MYL12B: variants seen among roughly 807,000 people sequenced by gnomAD.
MYL12B encodes myosin regulatory light chain 12B.
MYL12B carries 3 observed loss-of-function variants against 12.9 expected under a neutral mutation model. The observed-to-expected ratio is 0.23, with a 90% confidence interval of 0.11 to 0.60. The LOEUF (loss-of-function observed/expected upper bound fraction) is 0.60. Ranked by LOEUF, MYL12B falls within the 20% of genes least tolerant of loss-of-function variation. MYL12B has a pLI of 0.89. For synonymous variants in MYL12B, 57 were observed against 71.9 expected (o/e 0.79, Z 1.05); for missense variants, 120 against 215.4 (o/e 0.56, Z 2.77).
rs184034290 is a variant in MYL12B, at chr18:3,268,128, T to A, written c.-15-4756T>A. On this transcript the variant is annotated intron_variant, in intron 1 of 3. Transcript: ENST00000237500. ...ACTATCCCTGGTTTCAGGCATCCAC[T>A]GGGGTCTTGGAATATATCCCCCTCA... 1.6e-3 allele frequency among the ~76,000 whole-genome samples: 244 copies of A among 152,362 alleles called. 2 individuals are homozygous for A. Among genetic ancestry groups the A allele is most frequent in the Non-Finnish European group, 1.2e-3 (83 of 68,024 alleles).
chr18:3,266,421 T>TTGTCACAATATCTTAC (rs1364612664), intron 1 of MYL12B, among the ~76,000 whole-genome samples: 83 of 152,258 alleles, frequency 5.5e-4, no homozygotes, highest in Non-Finnish European at 1.0e-3. Flanking sequence ...CAATATCTTA[T>TTGTCACAATATCTTAC]TGTCACAATA....
At chr18:3,274,967 A>T (rs2081716570) in intron 2 of MYL12B, among the ~76,000 whole-genome samples, 1 of 152,228 alleles carries the variant, frequency 6.6e-6, no homozygotes, top group Non-Finnish European at 1.5e-5. Flanking sequence ...TGCTAGGTAT[A>T]TACCCCCAAA....
At chr18:3,270,325 GA>G in intron 1 of MYL12B, among the ~76,000 whole-genome samples, 1 of 152,206 alleles carries the variant, frequency 6.6e-6, no homozygotes, top group Middle Eastern at 3.4e-3. Context: ...AATGAAGTAT[GA>G]AAAAAATTTA....
At chr18:3,265,063 G>A (rs2081625672) in intron 1 of MYL12B, among the ~76,000 whole-genome samples, 1 of 152,184 alleles carries the variant, frequency 6.6e-6, no homozygotes, top group Non-Finnish European at 1.5e-5. Flanking sequence ...TTGTTATAAT[G>A]TGTATGTGGT....
chr18:3,265,077 T>C (rs528718144), intron 1 of MYL12B, among the ~76,000 whole-genome samples: 2 of 152,300 alleles, frequency 1.3e-5, no homozygotes, highest in Non-Finnish European at 2.9e-5. Context: ...ATGTGGTAAG[T>C]GTTAAAATAC....
intron 1 of MYL12B, among the ~76,000 whole-genome samples, chr18:3,266,260 T>C (rs2081633320): frequency 1.3e-5 from 2 of 152,204 alleles, no homozygotes; most frequent in Admixed American, 1.3e-4. Context: ...TGGTGCTGGC[T>C]GTCGGCAAGA....
chr18:3,272,017 C>G (rs1197380645), intron 1 of MYL12B: 33 of 967,614 alleles, frequency 3.4e-5, no homozygotes, highest in Admixed American at 6.2e-5. Flanking sequence ...TAGTGAGAAA[C>G]CCCCCATCTC....
At chr18:3,269,045 T>G (rs1485990962) in intron 1 of MYL12B, among the ~76,000 whole-genome samples, 2 of 152,078 alleles carry the variant, frequency 1.3e-5, no homozygotes, top group African/African-American at 2.4e-5. Context: ...CAAGATAAGA[T>G]GTGGCATGGT....
intron 2 of MYL12B, chr18:3,276,777 C>A: frequency 2.4e-6 from 1 of 410,904 alleles, no homozygotes; most frequent in Non-Finnish European, 3.3e-6. Flanking sequence ...TGATGCACGC[C>A]TGCAATCCCA....
intron 1 of MYL12B, among the ~76,000 whole-genome samples, chr18:3,266,528 C>T (rs949246750): frequency 1.3e-5 from 2 of 151,878 alleles, no homozygotes; most frequent in Non-Finnish European, 2.9e-5. Context: ...TGGCTACCAC[C>T]ATGACCAGAG....
At chr18:3,270,612 A>G (rs954106971) in intron 1 of MYL12B, among the ~76,000 whole-genome samples, 19 of 152,180 alleles carry the variant, frequency 1.2e-4, no homozygotes, top group African/African-American at 4.6e-4. Context: ...ATGTTTAAAT[A>G]TAGTATATTT....
rs1411088544 is a variant in MYL12B, at chr18:3,277,185, A to G, written c.185-68A>G. 5 of 1,407,556 alleles carry G rather than the reference A, an allele frequency of 3.6e-6. No homozygotes were observed. In the African/African-American group the frequency reaches 4.4e-5, roughly 12 times the overall value. 87.2% of individuals were successfully genotyped at this position (1,407,556 alleles called of 1,614,324 possible). A position where few individuals can be genotyped will look rare whatever the true frequency, so the allele number is the denominator to read the frequency against. On this transcript the variant is annotated intron_variant, in intron 2 of 3. Transcript: ENST00000237500. ...TTTTAAAAATATGTTGGGGAGCATAATAATAGTGAAATAACTATTGAAATT... is the reference window on the plus strand; with the variant it reads ...TTTTAAAAATATGTTGGGGAGCATAGTAATAGTGAAATAACTATTGAAATT...
chr18:3,272,136 G>T (rs1166447039), intron 1 of MYL12B: 1 of 968,026 alleles, frequency 1.0e-6, no homozygotes, highest in African/African-American at 1.9e-5. Flanking sequence ...AAGATGAAAG[G>T]GTGGGTTTGA....
intron 2 of MYL12B, chr18:3,276,775 G>A (rs189288623): frequency 2.0e-5 from 8 of 398,946 alleles, no homozygotes; most frequent in South Asian, 1.0e-4. Flanking sequence ...GGTGATGCAC[G>A]CCTGCAATCC....
intron 1 of MYL12B, chr18:3,272,124 GA>G: frequency 1.0e-6 from 1 of 985,346 alleles, no homozygotes; most frequent in Non-Finnish European, 1.2e-6. Flanking sequence ...GGGATAGCTA[GA>G]AAGATGAAAG....
intron 1 of MYL12B, among the ~76,000 whole-genome samples, chr18:3,268,868 C>T (rs2081654966): frequency 6.6e-6 from 1 of 152,136 alleles, no homozygotes; most frequent in Non-Finnish European, 1.5e-5. Context: ...CTTCATTTGG[C>T]AGGTGGGCAT....
At position 3,276,096 on chromosome 18, in the gene MYL12B, T is replaced by C. The variant is rs1309662629; in HGVS notation, c.185-1157T>C. On this transcript the variant is annotated intron_variant, in intron 2 of 3. Transcript: ENST00000237500. ...GATATGAATATCTGACTAATAGATG[T>C]TCTTTTCATGTAAAATCATATAAAC... Among the ~76,000 whole-genome samples, 3 of 151,972 alleles carry C rather than the reference T, an allele frequency of 2.0e-5. No individual in the cohort carries two copies. In the East Asian group the frequency reaches 5.9e-4, roughly 30 times the overall value.
At chr18:3,272,553 G>A (rs1444766122) in intron 1 of MYL12B, among the ~76,000 whole-genome samples, 1 of 151,898 alleles carries the variant, frequency 6.6e-6, no homozygotes, top group Non-Finnish European at 1.5e-5. Context: ...TTTAGAGATG[G>A]GAGTCTCACT....
intron 2 of MYL12B, among the ~76,000 whole-genome samples, chr18:3,275,496 G>T (rs1018546969): frequency 6.6e-6 from 1 of 152,144 alleles, no homozygotes; most frequent in Non-Finnish European, 1.5e-5. Flanking sequence ...AATGCTTGAA[G>T]GGATGGCTAT....
Sources: allele counts gnomAD v4.1 joint callset (sites outside exome capture counted in the v4.1 genomes callset), GRCh38; gene constraint gnomAD v4.1.1; transcripts MANE v1.5; gene names NCBI Gene and HGNC (gene_info 2026-07-23, HGNC 2026-07-21).